EPC2: variants seen among roughly 807,000 people sequenced by gnomAD.
EPC2 encodes the protein enhancer of polycomb 2.
A neutral mutation model predicts 92.1 loss-of-function variants in EPC2; 14 were observed. The observed-to-expected ratio is 0.15, with a 90% CI of 0.10 to 0.24. The LOEUF (loss-of-function observed/expected upper bound fraction) is 0.24, where lower values mean the gene tolerates loss of function less well. EPC2 is among the 10% of genes least tolerant of loss of function. The pLI is 1.00. For synonymous variants in EPC2, 340 were observed against 334.7 expected (o/e 1.02, Z -0.17); for missense variants, 755 against 971.5 (o/e 0.78, Z 2.96).
Position 148,739,830 on chromosome 2 carries a change from C to CTTTTTTTTTTTTTTTTTTTTTT in EPC2, c.314-3790_314-3789insTTTTTTTTTTTTTTTTTTTTTT, listed in dbSNP as rs879739457. 8.3e-4 allele frequency among the ~76,000 whole-genome samples: 80 copies of CTTTTTTTTTTTTTTTTTTTTTT among 96,664 alleles called. 1 individual carries two copies. The highest frequency in any genetic ancestry group is 1.6e-3 in the East Asian group (4 of 2,560). The allele number at this position is 96,664 out of a possible 152,430, so 63.4% of individuals were successfully genotyped here. Reference sequence around the variant, plus strand: ...TCTTTCTTCCTTTTCTTTTCTTCTTCTTCTTTTTTTTTTTTTTTTTTTTTT... The same window carrying CTTTTTTTTTTTTTTTTTTTTTT: ...TCTTTCTTCCTTTTCTTTTCTTCTTCTTTTTTTTTTTTTTTTTTTTTTTTCTTTTTTTTTTTTTTTTTTTTTT... On this transcript the variant is annotated intron_variant, in intron 2 of 13. Coordinates refer to ENST00000258484, the MANE Select transcript of EPC2 (RefSeq NM_015630.4).
intron 3 of EPC2, among the ~76,000 whole-genome samples, chr2:148,747,248 CCTT>C (rs1214332823): frequency 6.6e-6 from 1 of 152,000 alleles, no homozygotes; most frequent in Non-Finnish European, 1.5e-5. Flanking sequence ...ACAGAACTCT[CCTT>C]CTAACACCCT....
At chr2:148,756,548 G>A (rs1186442649) in intron 4 of EPC2, among the ~76,000 whole-genome samples, 1 of 152,168 alleles carries the variant, frequency 6.6e-6, no homozygotes, top group East Asian at 1.9e-4. Flanking sequence ...TGGCTGTCTG[G>A]AATTTAATTT....
At chr2:148,777,970 T>G (rs1683677506) in intron 10 of EPC2, among the ~76,000 whole-genome samples, 1 of 152,144 alleles carries the variant, frequency 6.6e-6, no homozygotes, top group Non-Finnish European at 1.5e-5. Context: ...AATGACATAT[T>G]TGGGTATATA....
chr2:148,702,919 A>G lies in EPC2; in HGVS notation c.313+12546A>G, dbSNP rs529308992. Among the ~76,000 whole-genome samples, 36 of 152,122 alleles carry G rather than the reference A, an allele frequency of 2.4e-4. No individual in the cohort carries two copies. The South Asian group carries it at 3.3e-3, about 14-fold the overall frequency. On this transcript the variant is annotated intron_variant, in intron 2 of 13. Transcript: ENST00000258484. ...ACAATTCTTCTTCTTCCAGTGTGGCACAGGGAAGCCAAAAGATTGGACACC... is the reference window on the plus strand; with the variant it reads ...ACAATTCTTCTTCTTCCAGTGTGGCGCAGGGAAGCCAAAAGATTGGACACC...
At chr2:148,763,323 A>G (rs746207247) in intron 6 of EPC2, among the ~76,000 whole-genome samples, 2 of 152,126 alleles carry the variant, frequency 1.3e-5, no homozygotes, top group Non-Finnish European at 2.9e-5. Flanking sequence ...TTTCTTCCTA[A>G]TGAAAGAGCC....
chr2:148,693,752 T>C (rs913759533), intron 2 of EPC2, among the ~76,000 whole-genome samples: 3 of 152,222 alleles, frequency 2.0e-5, no homozygotes, highest in African/African-American at 7.2e-5. Flanking sequence ...CTTTGAGTTA[T>C]GCCTTATTTT....
chr2:148,720,052 C>G (rs1013242062), intron 2 of EPC2, among the ~76,000 whole-genome samples: 4 of 152,214 alleles, frequency 2.6e-5, no homozygotes, highest in African/African-American at 9.6e-5. Flanking sequence ...AGGGAACTGC[C>G]TCTGCCCAGG....
chr2:148,695,350 C>G (rs1445236727), intron 2 of EPC2, among the ~76,000 whole-genome samples: 1 of 152,206 alleles, frequency 6.6e-6, no homozygotes, highest in Non-Finnish European at 1.5e-5. Flanking sequence ...GTGTCTGCTT[C>G]CAAGATTTTA....
intron 2 of EPC2, among the ~76,000 whole-genome samples, chr2:148,710,702 T>G (rs1401383797): frequency 6.6e-6 from 1 of 152,164 alleles, no homozygotes; most frequent in Non-Finnish European, 1.5e-5. Context: ...TGTAGGGACA[T>G]GGATGAAGCT....
At chr2:148,697,038 G>A (rs6724191) in intron 2 of EPC2, among the ~76,000 whole-genome samples, 146,798 of 152,348 alleles carry the variant, frequency 0.96, 70,957 homozygotes, top group Middle Eastern at 1. Context: ...TTTTTTGTAT[G>A]CTAAGCCAAT....
chr2:148,753,185 A>G (rs567064983), intron 3 of EPC2, among the ~76,000 whole-genome samples: 110 of 152,340 alleles, frequency 7.2e-4, no homozygotes, highest in Admixed American at 1.8e-3. Context: ...ATGTGTCAGC[A>G]TTATGCTGGC....
intron 2 of EPC2, among the ~76,000 whole-genome samples, chr2:148,696,957 G>A (rs1012602337): frequency 6.6e-6 from 1 of 152,136 alleles, no homozygotes; most frequent in Non-Finnish European, 1.5e-5. Context: ...TCCTTCCACA[G>A]TTATGGGTAA....
intron 2 of EPC2, among the ~76,000 whole-genome samples, chr2:148,732,386 T>C (rs184834606): frequency 0.024 from 3,595 of 150,580 alleles, 59 homozygotes; most frequent in East Asian, 0.032. Context: ...TTTGTCTTTT[T>C]TTTTTTTTTT....
chr2:148,768,268 A>T (rs913483453), intron 7 of EPC2, among the ~76,000 whole-genome samples: 13 of 152,214 alleles, frequency 8.5e-5, no homozygotes, highest in East Asian at 3.8e-4. Context: ...CAAAACTTTT[A>T]AAAAAATTTT....
At chr2:148,699,968 C>T (rs1681839430) in intron 2 of EPC2, among the ~76,000 whole-genome samples, 1 of 152,006 alleles carries the variant, frequency 6.6e-6, no homozygotes, top group Non-Finnish European at 1.5e-5. Context: ...TTTGCCGTTC[C>T]CTGATAACAT....
rs934593291 is a variant in EPC2, at chr2:148,765,953, G to A, written c.1140+807G>A. 4.6e-5 allele frequency among the ~76,000 whole-genome samples: 7 copies of A among 152,218 alleles called. No homozygotes were observed. The South Asian group carries it at 1.0e-3, about 23-fold the overall frequency. On this transcript the variant is annotated intron_variant, in intron 7 of 13. Coordinates refer to ENST00000258484, the MANE Select transcript of EPC2 (RefSeq NM_015630.4). ...CCTGAGGCTGATCCAGGAGAATGGC[G>A]TGCACCTGGGAGGTGGAGCTTGCAG...
intron 8 of EPC2, among the ~76,000 whole-genome samples, chr2:148,769,627 C>T (rs1486592029): frequency 2.0e-5 from 3 of 152,086 alleles, no homozygotes; most frequent in Non-Finnish European, 2.9e-5. Flanking sequence ...CCATCTTGTG[C>T]ATACATACCA....
chr2:148,716,396 C>CAAA (rs1682262609), intron 2 of EPC2, among the ~76,000 whole-genome samples: 3 of 151,972 alleles, frequency 2.0e-5, no homozygotes, highest in Non-Finnish European at 2.9e-5. Flanking sequence ...GAGGTATGTT[C>CAAA]CTTGAATACC....
chr2:148,690,187 T>A, intron 1 of EPC2, 27 bp from the exon 2 acceptor site: 1 of 1,564,760 alleles, frequency 6.4e-7, no homozygotes, highest in South Asian at 1.2e-5. Context: ...CTAAAACAAC[T>A]TATGTTGCCT....
Sources: gnomAD v4.1 joint callset for allele counts (sites outside exome capture counted in the v4.1 genomes callset) on GRCh38, gnomAD v4.1.1 for gene constraint, MANE v1.5 for transcripts, NCBI Gene and HGNC (gene_info 2026-07-23, HGNC 2026-07-21) for gene names.